The following ZP2 variants were observed in gnomAD, a reference collection of about 807,000 sequenced individuals.
ZP2 encodes zona pellucida sperm-binding protein 2.
In ZP2, 51 loss-of-function variants were observed where a neutral mutation model predicts 84.0. The ratio of observed to expected loss-of-function variants is 0.61; its 90% CI spans 0.49 to 0.77. The LOEUF is 0.77. Ranked by LOEUF, ZP2 falls within the 30% of genes least tolerant of loss-of-function variation. The pLI is 0.00. For missense variants in ZP2, 909 were observed against 911.9 expected (o/e 1.00, Z 0.04); for synonymous variants, 375 against 330.9 (o/e 1.13, Z -1.45).
rs2093224771 is a variant in ZP2 at position 21,201,456 on chromosome 16, G to A, written c.1607C>T (p.Pro536Leu). The A allele has an allele frequency of 6.2e-7, 1 of 1,613,746 alleles. No homozygotes were observed. The highest frequency in any genetic ancestry group is 8.5e-7 in the Non-Finnish European group (1 of 1,179,872). Residue 536 changes from proline (P) to leucine (L), a missense_variant, in exon 14 of 19, where the codon CCC becomes CTC. Coordinates refer to ENST00000574091, the MANE Select transcript of ZP2 (RefSeq NM_001376232.1). ...MEVRVLNRDDPNIKLVLDDCW... is the reference protein window; with the variant it reads ...MEVRVLNRDDLNIKLVLDDCW... ...GTCATCTAAGACCAGCTTGATGTTG[G>A]GGTCATCCCTGTTTAGGACTCTCAC...
chr16:21,208,159 G>A (rs1313406497), intron 4 of ZP2, among the ~76,000 whole-genome samples: 1 of 152,212 alleles, frequency 6.6e-6, no homozygotes, highest in Admixed American at 6.5e-5. Flanking sequence ...CTAGGCTGCA[G>A]TGAGCCATGA....
chr16:21,208,697 C>A (rs1021389724), intron 4 of ZP2, among the ~76,000 whole-genome samples: 2 of 152,140 alleles, frequency 1.3e-5, no homozygotes, highest in Non-Finnish European at 2.9e-5. Context: ...CTTTTAACAC[C>A]TGTTTCTATA....
At chr16:21,207,915 C>G (rs945058533) in intron 4 of ZP2, among the ~76,000 whole-genome samples, 1 of 151,728 alleles carries the variant, frequency 6.6e-6, no homozygotes, top group Admixed American at 6.6e-5. Context: ...CAAAAACAAA[C>G]AAAAACACAA....
rs764563673 is a variant in ZP2, at chr16:21,201,397, A to T, written c.1666T>A (p.Phe556Ile). Reference protein sequence around the residue: ...WATSTMDPDSFPQWNVVVDGC... With the variant: ...WATSTMDPDSIPQWNVVVDGC... Reference sequence around the variant, plus strand: ...TCCACGACAACGTTCCACTGGGGGAAAGAGTCTGGATCCATGGTGGACGTC... The same window carrying T: ...TCCACGACAACGTTCCACTGGGGGATAGAGTCTGGATCCATGGTGGACGTC... The change falls in exon 14 of 19, where the codon TTC becomes ATC. Residue 556 changes from phenylalanine (F) to isoleucine (I), a missense_variant. Coordinates refer to ENST00000574091, the MANE Select transcript of ZP2 (RefSeq NM_001376232.1). 56 of 1,593,632 alleles carry T rather than the reference A, an allele frequency of 3.5e-5. No homozygotes were observed. The highest frequency in any genetic ancestry group is 4.3e-5 in the Non-Finnish European group (50 of 1,169,074).
At chr16:21,202,357 C>A in intron 10 of ZP2, 66 bp from the exon 11 acceptor site, 5 of 1,370,360 alleles carry the variant, frequency 3.6e-6, no homozygotes, top group Non-Finnish European at 4.9e-6. Flanking sequence ...ATCTCCCAAC[C>A]TGATATGCTA....
chr16:21,205,542 CATCACCAA>C lies in ZP2; in HGVS notation c.563_570del (p.Val188GlyfsTer22). 1 of 1,614,066 alleles carries C rather than the reference CATCACCAA, an allele frequency of 6.2e-7. No individual in the cohort carries two copies. Among genetic ancestry groups the C allele is most frequent in the Non-Finnish European group, 8.5e-7 (1 of 1,180,002 alleles). On this transcript the variant is annotated frameshift_variant, in exon 7 of 19. Transcript: ENST00000574091. LOFTEE classifies it high-confidence loss of function. Reference sequence around the variant, plus strand: ...AGGGTCAGAGTTTTGGCTCTTGCACCATCACCAACCTCAATGCTCCATCCCATCTGAAC... The same window carrying C: ...AGGGTCAGAGTTTTGGCTCTTGCACCCCTCAATGCTCCATCCCATCTGAAC...
intron 16 of ZP2, among the ~76,000 whole-genome samples, 161 bp downstream of exon 16, chr16:21,199,409 T>TCA (rs2093214732): frequency 1.3e-5 from 2 of 150,890 alleles, no homozygotes; most frequent in Admixed American, 1.3e-4. Context: ...CTTAGACCTG[T>TCA]CACATGAGTA....
chr16:21,203,358 C>A, intron 9 of ZP2, 107 bp from the exon 10 acceptor site: 1 of 1,443,044 alleles, frequency 6.9e-7, no homozygotes, highest in Non-Finnish European at 9.4e-7. Context: ...ACACTCCAGA[C>A]TTATCTGGGC....
intron 4 of ZP2, 120 bp downstream of exon 4, chr16:21,209,511 C>A: frequency 2.5e-6 from 2 of 793,814 alleles, no homozygotes; most frequent in South Asian, 1.7e-5. Flanking sequence ...CACGAGACAC[C>A]ACCCCCTTGG....
intron 4 of ZP2, among the ~76,000 whole-genome samples, chr16:21,209,245 C>A (rs1352747931): frequency 6.6e-6 from 1 of 152,150 alleles, no homozygotes; most frequent in Non-Finnish European, 1.5e-5. Context: ...CAGCTCACTG[C>A]AAACCTCTGT....
intron 14 of ZP2, 109 bp from the exon 15 acceptor site, chr16:21,199,987 TTACCTTCTAC>T: frequency 7.1e-7 from 1 of 1,401,532 alleles, no homozygotes; most frequent in Non-Finnish European, 9.8e-7. Context: ...ATTGCCATAT[TTACCTTCTAC>T]CAGCACCTTT....
intron 2 of ZP2, among the ~76,000 whole-genome samples, chr16:21,210,837 A>G (rs1239133735): frequency 6.6e-6 from 1 of 150,394 alleles, no homozygotes; most frequent in Non-Finnish European, 1.5e-5. Context: ...GGCTTCCCAA[A>G]GTTCTGGGAT....
intron 14 of ZP2, 59 bp downstream of exon 14, chr16:21,201,310 C>T: frequency 6.8e-7 from 1 of 1,461,032 alleles, no homozygotes; most frequent in Non-Finnish European, 9.1e-7. Context: ...GGTTTATTCC[C>T]ATTACTGGCA....
At chr16:21,197,723 C>T (rs1403286328) in intron 18 of ZP2, 43 bp downstream of exon 18, 1 of 1,611,356 alleles carries the variant, frequency 6.2e-7, no homozygotes, top group Non-Finnish European at 8.5e-7. Context: ...ACTAAGCCTT[C>T]AACAGGCTTA....
chr16:21,209,758 C>T, intron 3 of ZP2, 33 bp from the exon 4 acceptor site: 1 of 1,593,104 alleles, frequency 6.3e-7, no homozygotes, highest in Non-Finnish European at 8.6e-7. Flanking sequence ...GACAGGATGG[C>T]TGAGTACATT....
At chr16:21,209,426 C>T (rs1288027744) in intron 4 of ZP2, among the ~76,000 whole-genome samples, 1 of 152,194 alleles carries the variant, frequency 6.6e-6, no homozygotes, top group Non-Finnish European at 1.5e-5. Context: ...GTCTCAGCCT[C>T]CTAAAGTGCA....
At position 21,209,719 on chromosome 16, in the gene ZP2, A is replaced by G. The variant is rs1210871434; in HGVS notation, c.242T>C (p.Leu81Pro). 12 of 1,614,042 alleles carry G rather than the reference A, an allele frequency of 7.4e-6. No homozygotes were observed. The highest frequency in any genetic ancestry group is 1.1e-5 in the South Asian group (1 of 91,092). ...KKWHASVVDP[L>P]GLDMPNCTYI... ...AGTGCAGTTCGGCATGTCGAGACCA[A>G]GAGGATCTGCCAAGGCCAGAGCAGG... The change falls in exon 4 of 19, where the codon CTT becomes CCT. Residue 81 changes from leucine to proline, a missense_variant. By Grantham distance (98) the Leu-to-Pro change is moderately conservative. Transcript: ENST00000574091.
chr16:21,207,675 CACACA>C (rs1567216066), intron 4 of ZP2, among the ~76,000 whole-genome samples: 56 of 98,842 alleles, frequency 5.7e-4, no homozygotes, highest in African/African-American at 2.2e-3. Context: ...CACACACACA[CACACA>C]CCACAAAAGT....
intron 5 of ZP2, among the ~76,000 whole-genome samples, chr16:21,206,303 A>G (rs1202034727): frequency 6.6e-6 from 1 of 152,170 alleles, no homozygotes; most frequent in East Asian, 1.9e-4. Flanking sequence ...GACCAGGACA[A>G]TGTTCTTAAA....
Sources: allele counts gnomAD v4.1 joint callset (sites outside exome capture counted in the v4.1 genomes callset), GRCh38; gene constraint gnomAD v4.1.1; transcripts MANE v1.5; gene names NCBI Gene and HGNC (gene_info 2026-07-23, HGNC 2026-07-21).